XPNPEP3: variants seen among roughly 807,000 people sequenced by gnomAD.
The protein encoded by XPNPEP3 is X-prolyl aminopeptidase 3, also known as xaa-Pro aminopeptidase 3.
A neutral mutation model predicts 60.0 loss-of-function variants in XPNPEP3; 41 were observed. The observed-to-expected ratio is 0.68, with a 90% CI of 0.53 to 0.89. The LOEUF is 0.89. XPNPEP3 is among the 40% of genes least tolerant of loss of function. The pLI is 0.00. For synonymous variants in XPNPEP3, 212 were observed against 223.2 expected, an observed-to-expected ratio of 0.95 and a Z score of 0.45; for missense variants, 598 against 638.9, an observed-to-expected ratio of 0.94 and a Z score of 0.69.
intron 7 of XPNPEP3, among the ~76,000 whole-genome samples, chr22:40,919,965 A>G (rs2058210354): frequency 6.6e-6 from 1 of 152,202 alleles, no homozygotes; most frequent in Non-Finnish European, 1.5e-5. Flanking sequence ...GCCAGACACA[A>G]AAGAGTATAT....
chr22:40,860,956 TA>T (rs759478524), intron 1 of XPNPEP3: 7 of 1,079,954 alleles, frequency 6.5e-6, no homozygotes, highest in Non-Finnish European at 9.2e-6. Context: ...ACAATCCTGC[TA>T]AAAGTGTTGA....
chr22:40,881,398 G>T (rs1274068947), intron 2 of XPNPEP3, among the ~76,000 whole-genome samples: 1 of 150,168 alleles, frequency 6.7e-6, no homozygotes, highest in Non-Finnish European at 1.5e-5. Context: ...AGAGGTTTCA[G>T]TGAGCCGAGA....
intron 4 of XPNPEP3, among the ~76,000 whole-genome samples, chr22:40,900,362 T>G (rs1017558703): frequency 6.7e-6 from 1 of 150,360 alleles, no homozygotes; most frequent in African/African-American, 2.4e-5. Flanking sequence ...CCCAGTACTT[T>G]GGGAGGCTGA....
At chr22:40,892,385 C>A (rs2058091682) in intron 4 of XPNPEP3, among the ~76,000 whole-genome samples, 1 of 152,080 alleles carries the variant, frequency 6.6e-6, no homozygotes, top group Non-Finnish European at 1.5e-5. Context: ...CGGGGTTTCA[C>A]CATGTTGGCC....
At chr22:40,881,148 C>T (rs1194322303) in intron 2 of XPNPEP3, among the ~76,000 whole-genome samples, 4 of 151,856 alleles carry the variant, frequency 2.6e-5, no homozygotes, top group Non-Finnish European at 4.4e-5. Context: ...CAGGTTCAAG[C>T]GATTCTCCTG....
Position 40,928,765 on chromosome 22 carries a change from T to A in XPNPEP3, c.*2330T>A, listed in dbSNP as rs1004202984. ...TATTAGGGAAGCACAAGCTAGGGGA[T>A]TAACAATCTCTGTAATGCTGGAAGT... is the stretch of plus-strand genomic sequence containing the variant. On this transcript the variant is annotated 3_prime_UTR_variant, in exon 10 of 10. Transcript: ENST00000357137. 1 of 152,172 alleles carries A rather than the reference T, an allele frequency of 6.6e-6. No individual in the cohort carries two copies. Among genetic ancestry groups the A allele is most frequent in the Non-Finnish European group, 1.5e-5 (1 of 68,038 alleles). 9.4% of individuals were successfully genotyped at this position (152,172 alleles called of 1,614,324 possible).
intron 9 of XPNPEP3, among the ~76,000 whole-genome samples, chr22:40,925,488 TATATC>T (rs1379557998): frequency 6.6e-6 from 1 of 152,250 alleles, no homozygotes; most frequent in Non-Finnish European, 1.5e-5. Context: ...TGGCCATAGA[TATATC>T]ATTTAGTTCA....
At chr22:40,899,264 C>T (rs2058121895) in intron 4 of XPNPEP3, among the ~76,000 whole-genome samples, 1 of 152,132 alleles carries the variant, frequency 6.6e-6, no homozygotes, top group East Asian at 1.9e-4. Context: ...AGAGCTCCAT[C>T]TGTTGATCAA....
At chr22:40,898,492 A>G (rs2058118717) in intron 4 of XPNPEP3, among the ~76,000 whole-genome samples, 1 of 132,130 alleles carries the variant, frequency 7.6e-6, no homozygotes, top group Non-Finnish European at 1.5e-5. Context: ...TGACCTCATG[A>G]TCCACCCGCC....
chr22:40,873,098 C>CTTTTTTTTTTTTTTT (rs138353), intron 2 of XPNPEP3, among the ~76,000 whole-genome samples: 4 of 88,504 alleles, frequency 4.5e-5, no homozygotes, highest in Non-Finnish European at 8.6e-5. Flanking sequence ...TTTTCTTTTT[C>CTTTTTTTTTTTTTTT]TTTTTTTTTT....
At chr22:40,867,356 A>G (rs965647528) in intron 1 of XPNPEP3, among the ~76,000 whole-genome samples, 1 of 152,142 alleles carries the variant, frequency 6.6e-6, no homozygotes, top group Non-Finnish European at 1.5e-5. Context: ...TCAACAATCA[A>G]TACTGTACAA....
chr22:40,896,810 C>T (rs963728747), intron 4 of XPNPEP3, among the ~76,000 whole-genome samples: 8 of 152,078 alleles, frequency 5.3e-5, no homozygotes, highest in Non-Finnish European at 1.2e-4. Flanking sequence ...ACTTCCCATT[C>T]TTCCCTCCTC....
chr22:40,861,289 C>A (rs755277809), intron 1 of XPNPEP3: 3 of 1,614,142 alleles, frequency 1.9e-6, no homozygotes, highest in East Asian at 2.2e-5. Flanking sequence ...CAGCTGCATT[C>A]TTTTGCAAAG....
At chr22:40,915,630 A>G (rs2058193565) in intron 7 of XPNPEP3, among the ~76,000 whole-genome samples, 1 of 152,140 alleles carries the variant, frequency 6.6e-6, no homozygotes, top group Non-Finnish European at 1.5e-5. Context: ...CCCAATGCAC[A>G]TAGCTTGGGC....
chr22:40,894,363 C>A (rs956834765), intron 4 of XPNPEP3, among the ~76,000 whole-genome samples: 4 of 152,086 alleles, frequency 2.6e-5, no homozygotes, highest in Admixed American at 6.6e-5. Context: ...ACAACCTTGC[C>A]TTTCTTAATC....
At position 40,902,774 on chromosome 22, in the gene XPNPEP3, A is replaced by C. The variant is rs965594774; in HGVS notation, c.793-4813A>C. Among the ~76,000 whole-genome samples the C allele has an allele frequency of 3.9e-5, 6 of 152,360 alleles. No individual in the cohort carries two copies. In the East Asian group the frequency reaches 1.2e-3, roughly 29 times the overall value. ...TTGCAAATACACAGTCATTACAGGA[A>C]AAAGGTTTCATATAGCAACTGCATT... On this transcript the variant is annotated intron_variant, in intron 4 of 9. Coordinates refer to ENST00000357137, the MANE Select transcript of XPNPEP3 (RefSeq NM_022098.4).
intron 1 of XPNPEP3, among the ~76,000 whole-genome samples, chr22:40,865,970 A>G (rs1026164060): frequency 2.0e-5 from 3 of 152,146 alleles, no homozygotes; most frequent in Non-Finnish European, 4.4e-5. Context: ...CTGTGTGCTT[A>G]TAACACCCTA....
intron 3 of XPNPEP3, among the ~76,000 whole-genome samples, chr22:40,885,143 C>G (rs192730104): frequency 3.7e-4 from 56 of 152,036 alleles, no homozygotes; most frequent in African/African-American, 1.1e-3. Flanking sequence ...ATATGTAGGA[C>G]ATAGAATCAC....
intron 2 of XPNPEP3, among the ~76,000 whole-genome samples, chr22:40,879,250 A>G (rs1386239397): frequency 2.6e-5 from 4 of 152,202 alleles, no homozygotes; most frequent in African/African-American, 9.7e-5. Flanking sequence ...ATTGGCCCGT[A>G]AGGCCTCCAC....
Sources: allele counts gnomAD v4.1 joint callset (sites outside exome capture counted in the v4.1 genomes callset), GRCh38; gene constraint gnomAD v4.1.1; transcripts MANE v1.5; gene names NCBI Gene and HGNC (gene_info 2026-07-23, HGNC 2026-07-21).